The following UPF1 variants were observed in gnomAD, a reference collection of about 807,000 sequenced individuals.
The protein encoded by UPF1 is UPF1 RNA helicase and ATPase, also known as regulator of nonsense transcripts 1.
A neutral mutation model predicts 129.2 loss-of-function variants in UPF1; 9 were observed. The observed-to-expected ratio is 0.07, with a 90% CI of 0.04 to 0.12. The LOEUF (loss-of-function observed/expected upper bound fraction) is 0.12. Among genes scored for constraint, UPF1 ranks in the 10% least tolerant of loss-of-function variants. The pLI, the probability that UPF1 is intolerant of heterozygous loss-of-function variation, is 1.00. For missense variants in UPF1, 788 were observed against 1,525.3 expected (o/e 0.52, Z 8.05); for synonymous variants, 649 against 644.9 (o/e 1.01, Z -0.10).
intron 15 of UPF1, 94 bp downstream of exon 15, chr19:18,857,627 C>T (rs971728231): frequency 7.9e-6 from 11 of 1,384,730 alleles, no homozygotes; most frequent in East Asian, 2.5e-5. Flanking sequence ...TCAGCTTCCC[C>T]TGAGCGGCTT....
chr19:18,860,494 T>G, intron 16 of UPF1, 56 bp downstream of exon 16: 1 of 1,543,586 alleles, frequency 6.5e-7, no homozygotes, highest in Non-Finnish European at 8.9e-7. Context: ...CTTGAGAGGT[T>G]GTTGACCCAT....
At chr19:18,857,278 A>G (rs1415222887) in intron 14 of UPF1, 42 bp from the exon 15 acceptor site, 1 of 1,581,964 alleles carries the variant, frequency 6.3e-7, no homozygotes, top group Non-Finnish European at 8.6e-7. Flanking sequence ...AGGCTGATTC[A>G]CACCTGAGCT....
rs748586692 is a variant in UPF1 at position 18,853,403 on chromosome 19, G to A, written c.1156+53G>A. ...CGGCTGGTGGGAGAGGAAAGTGGGGGCATCAGGTGGAGGCCACTGTGGATT... is the reference window on the plus strand; with the variant it reads ...CGGCTGGTGGGAGAGGAAAGTGGGGACATCAGGTGGAGGCCACTGTGGATT... On this transcript the variant is annotated intron_variant, in intron 8 of 23. Coordinates refer to ENST00000262803, the MANE Select transcript of UPF1 (RefSeq NM_002911.4). This position sits in a 1 kb window ranked among gnomAD's most constrained non-coding sequence, Gnocchi z 4.4. 34 of 1,514,332 alleles carry A rather than the reference G, an allele frequency of 2.2e-5. No individual in the cohort carries two copies. The highest frequency in any genetic ancestry group is 3.0e-5 in the Non-Finnish European group (34 of 1,120,892). 93.8% of individuals were successfully genotyped at this position (1,514,332 alleles called of 1,614,324 possible).
Position 18,857,470 on chromosome 19 carries a change from G to T in UPF1, c.2119G>T (p.Ala707Ser). 3 of 1,613,930 alleles carry T rather than the reference G, an allele frequency of 1.9e-6. No individual in the cohort carries two copies. Among genetic ancestry groups the T allele is most frequent in the East Asian group, 4.5e-5 (2 of 44,884 alleles). Reference sequence around the variant, plus strand: ...GCAGGTCCAGTACCGGATGCACCCTGCACTCAGCGCCTTCCCATCCAACAT... The same window carrying T: ...GCAGGTCCAGTACCGGATGCACCCTTCACTCAGCGCCTTCCCATCCAACAT... Reference protein sequence around the residue: ...RLQVQYRMHPALSAFPSNIFY... With the variant: ...RLQVQYRMHPSLSAFPSNIFY... The change falls in exon 15 of 24, where the codon GCA becomes TCA. Residue 707 changes from alanine (A) to serine (S), a missense_variant. By Grantham distance (99) the Ala-to-Ser change is moderately conservative. This residue lies in a region of UPF1 where 140 missense variants were observed against 385.9 expected (regional missense o/e 0.36). Transcript: ENST00000262803.
At position 18,852,003 on chromosome 19, in the gene UPF1, CT is replaced by C. The variant is rs962378572; in HGVS notation, c.811-131del. The C allele has an allele frequency of 8.2e-6, 11 of 1,339,716 alleles. No homozygotes were observed. The African/African-American group carries it at 1.7e-4, about 20-fold the overall frequency. 83.0% of individuals were successfully genotyped at this position (1,339,716 alleles called of 1,614,324 possible). A position where few individuals can be genotyped will look rare whatever the true frequency, so the allele number is the denominator to read the frequency against. ...TGCAGGTGGGGCTGCGCCAGAACCC[CT>C]CCATGCCACCCACCGTGGCCCATTC... On this transcript the variant is annotated intron_variant, in intron 5 of 23. Transcript: ENST00000262803.
At position 18,865,520 on chromosome 19, in the gene UPF1, C is replaced by A. The variant is rs1568284978; in HGVS notation, c.3020-41C>A. On this transcript the variant is annotated intron_variant, in intron 21 of 23. Coordinates refer to ENST00000262803, the MANE Select transcript of UPF1 (RefSeq NM_002911.4). The surrounding 1 kb of genome is among the most constrained non-coding windows in gnomAD (Gnocchi z 6.1). Reference sequence around the variant, plus strand: ...CTTGAGGGTGTGCTTGTCTGCGAGGCCCTGGCCTCCTTCGGATCACCCTGG... The same window carrying A: ...CTTGAGGGTGTGCTTGTCTGCGAGGACCTGGCCTCCTTCGGATCACCCTGG... The A allele has an allele frequency of 1.2e-6, 2 of 1,613,160 alleles. No homozygotes were observed. Among genetic ancestry groups the A allele is most frequent in the Non-Finnish European group, 1.7e-6 (2 of 1,179,504 alleles).
At position 18,863,544 on chromosome 19, in the gene UPF1, C is replaced by T; in HGVS notation, c.2707C>T (p.Leu903Phe). ...KEQKVLVEGP[L>F]NNLRESLMQF... ...GCAGAAGGTGCTGGTGGAGGGGCCG[C>T]TCAACAACCTGCGTGAGAGCCTCAT... is the stretch of plus-strand genomic sequence containing the variant. The change falls in exon 19 of 24, where the codon CTC becomes TTC. Residue 903 changes from leucine (L) to phenylalanine (F), a missense_variant. By Grantham distance (22) the Leu-to-Phe change is conservative. This residue lies in a region of UPF1 where 218 missense variants were observed against 318.1 expected (regional missense o/e 0.69). Transcript: ENST00000262803. 6.2e-7 allele frequency: 1 copy of T among 1,613,858 alleles called. No homozygotes were observed. Among genetic ancestry groups the T allele is most frequent in the Non-Finnish European group, 8.5e-7 (1 of 1,179,892 alleles).
chr19:18,855,625 C>G (rs1235388610), intron 11 of UPF1: 1 of 499,804 alleles, frequency 2.0e-6, no homozygotes, highest in Admixed American at 3.7e-5. Flanking sequence ...GTCATTACTG[C>G]CTGTTAAAAA....
Position 18,857,391 on chromosome 19 carries a change from G to A in UPF1, c.2040G>A (p.Leu680=). 1 of 1,613,530 alleles carries A rather than the reference G, an allele frequency of 6.2e-7. No individual in the cohort carries two copies. Among genetic ancestry groups the A allele is most frequent in the Non-Finnish European group, 8.5e-7 (1 of 1,180,038 alleles). ...GCAAGAAGGCGGCCAAGGCCGGGCTGTCACAGTCGCTCTTCGAGCGCCTGG... is the reference window on the plus strand; with the variant it reads ...GCAAGAAGGCGGCCAAGGCCGGGCTATCACAGTCGCTCTTCGAGCGCCTGG... ...VMCKKAAKAG[L]SQSLFERLVV... is the part of the protein sequence containing the mutation. The change falls in exon 15 of 24, where the codon CTG becomes CTA. Residue 680 remains leucine, a synonymous_variant. Coordinates refer to ENST00000262803, the MANE Select transcript of UPF1 (RefSeq NM_002911.4).
At position 18,863,604 on chromosome 19, in the gene UPF1, A is replaced by G. The variant is rs531353512; in HGVS notation, c.2767A>G (p.Ile923Val). 49 of 1,613,140 alleles carry G rather than the reference A, an allele frequency of 3.0e-5. No individual in the cohort carries two copies. In the South Asian group the frequency reaches 3.5e-4, roughly 12 times the overall value. ...FSKPRKLVNT[I>V]NPGARFMTTA... is the part of the protein sequence containing the mutation. ...CAAGCCACGGAAGCTGGTCAACACTATCAACCCGGTGAGCGCCTGCACAGG... is the reference window on the plus strand; with the variant it reads ...CAAGCCACGGAAGCTGGTCAACACTGTCAACCCGGTGAGCGCCTGCACAGG... Residue 923 changes from isoleucine to valine, a missense_variant, in exon 19 of 24, where the codon ATC becomes GTC. Ile to Val is a conservative substitution (Grantham distance 29). This residue lies in a region of UPF1 where 218 missense variants were observed against 318.1 expected (regional missense o/e 0.69). Coordinates refer to ENST00000262803, the MANE Select transcript of UPF1 (RefSeq NM_002911.4).
intron 1 of UPF1, among the ~76,000 whole-genome samples, chr19:18,837,319 G>A (rs553098141): frequency 7.9e-5 from 12 of 152,190 alleles, no homozygotes; most frequent in Non-Finnish European, 7.4e-5. Flanking sequence ...GAACTCCTGG[G>A]CTCAAGAGAT....
intron 1 of UPF1, among the ~76,000 whole-genome samples, chr19:18,844,160 G>A (rs2055572827): frequency 6.6e-6 from 1 of 151,994 alleles, no homozygotes; most frequent in African/African-American, 2.4e-5. Context: ...TCGTAGCTAG[G>A]TTCACATCCA....
chr19:18,859,212 C>T (rs2055750714), intron 15 of UPF1, among the ~76,000 whole-genome samples: 1 of 152,192 alleles, frequency 6.6e-6, no homozygotes, highest in South Asian at 2.1e-4. Flanking sequence ...GGCTCAGACC[C>T]CTCATGGTCC....
intron 1 of UPF1, among the ~76,000 whole-genome samples, chr19:18,842,836 C>T (rs949949753): frequency 1.3e-5 from 2 of 151,922 alleles, no homozygotes; most frequent in Non-Finnish European, 2.9e-5. Flanking sequence ...CCTGTCTCTA[C>T]TAAAAATAGG....
chr19:18,832,174 C>A lies in UPF1; in HGVS notation c.-36C>A, dbSNP rs746720435. 1 of 1,504,474 alleles carries A rather than the reference C, an allele frequency of 6.6e-7. No individual in the cohort carries two copies. The highest frequency in any genetic ancestry group is 8.9e-7 in the Non-Finnish European group (1 of 1,122,466). The allele number at this position is 1,504,474 out of a possible 1,614,324, so 93.2% of individuals were successfully genotyped here. On this transcript the variant is annotated 5_prime_UTR_variant, in exon 1 of 24. Transcript: ENST00000262803. The surrounding 1 kb of genome is among the most constrained non-coding windows in gnomAD (Gnocchi z 5.6). ...AGCGCGGCGGCGGGCTCGAGTGCAG[C>A]GCGGAACCGGCCCGAGGGCCCTACC...
intron 14 of UPF1, 116 bp downstream of exon 14, chr19:18,857,136 G>C: frequency 6.6e-7 from 1 of 1,523,490 alleles, no homozygotes. Flanking sequence ...CGCACACTGG[G>C]GGCTCCCTGA....
intron 23 of UPF1, 105 bp from the exon 24 acceptor site, chr19:18,866,416 T>G: frequency 2.0e-6 from 1 of 488,980 alleles, no homozygotes; most frequent in Non-Finnish European, 3.5e-6. Context: ...CTCATCAGAG[T>G]CGGGGAGGGC....
In UPF1 at chr19:18,864,257, TCG is replaced by T. The variant is rs2055814501; in HGVS notation, c.2857+8_2857+9del. The T allele has an allele frequency of 6.2e-7, 1 of 1,608,276 alleles. No homozygotes were observed. The highest frequency in any genetic ancestry group is 8.5e-7 in the Non-Finnish European group (1 of 1,176,236). On this transcript the variant is annotated splice_region_variant and intron_variant, in intron 20 of 23. Coordinates refer to ENST00000262803, the MANE Select transcript of UPF1 (RefSeq NM_002911.4). Reference sequence around the variant, plus strand: ...CTATGATCGGAGCAGCCAGGGTGAGTCGCTCAGCAGGGGACCTGGCCGACCCC... The same window carrying T: ...CTATGATCGGAGCAGCCAGGGTGAGTCTCAGCAGGGGACCTGGCCGACCCC...
chr19:18,833,181 A>G (rs2055447716), intron 1 of UPF1: 2 of 152,060 alleles, frequency 1.3e-5, no homozygotes, highest in Non-Finnish European at 1.5e-5. Context: ...GACTTTCCCC[A>G]TGCATAGGGG....
Sources: gnomAD v4.1 joint callset for allele counts (sites outside exome capture counted in the v4.1 genomes callset) on GRCh38, gnomAD v4.1.1 for gene constraint, gnomAD v4.1.1 regional missense constraint, Gnocchi (gnomAD v3.1) non-coding constraint, MANE v1.5 for transcripts, NCBI Gene and HGNC (gene_info 2026-07-23, HGNC 2026-07-21) for gene names.